CALN1: variants seen among roughly 807,000 people sequenced by gnomAD.
The protein encoded by CALN1 is calcium-binding protein 8.
CALN1 carries 17 observed loss-of-function variants against 30.6 expected under a neutral mutation model. The ratio of observed to expected loss-of-function variants is 0.56; its 90% CI spans 0.38 to 0.83. The LOEUF is 0.83. CALN1 is among the 40% of genes least tolerant of loss of function. The pLI is 0.00. For synonymous variants in CALN1, 156 were observed against 131.4 expected (o/e 1.19, Z -1.28); for missense variants, 291 against 354.9 (o/e 0.82, Z 1.45).
chr7:71,891,813 T>C (rs1302166697), intron 5 of CALN1, among the ~76,000 whole-genome samples: 1 of 151,530 alleles, frequency 6.6e-6, no homozygotes, highest in Non-Finnish European at 1.5e-5. Context: ...GCATGGTGGC[T>C]CACGCCTGTA....
intron 5 of CALN1, among the ~76,000 whole-genome samples, chr7:71,972,667 G>T (rs1397169954): frequency 6.6e-6 from 1 of 152,152 alleles, no homozygotes; most frequent in Non-Finnish European, 1.5e-5. Context: ...GAAATTTAAT[G>T]GATTTTAATG....
intron 5 of CALN1, among the ~76,000 whole-genome samples, chr7:71,900,232 T>C (rs1372337527): frequency 6.6e-6 from 1 of 152,190 alleles, no homozygotes; most frequent in Non-Finnish European, 1.5e-5. Flanking sequence ...TAACTATGGT[T>C]ATTTTTTTAA....
intron 4 of CALN1, among the ~76,000 whole-genome samples, chr7:72,087,814 A>G (rs980307214): frequency 1.3e-5 from 2 of 152,220 alleles, no homozygotes; most frequent in African/African-American, 4.8e-5. Flanking sequence ...GAGCAAAAGC[A>G]AAAAACAAAA....
chr7:72,393,992 G>A (rs1001095024), intron 2 of CALN1, among the ~76,000 whole-genome samples: 7 of 152,160 alleles, frequency 4.6e-5, no homozygotes, highest in Non-Finnish European at 1.0e-4. Context: ...GAATCACATA[G>A]GAAGTAAATG....
intron 2 of CALN1, among the ~76,000 whole-genome samples, chr7:72,341,747 C>G (rs920052561): frequency 5.9e-5 from 9 of 152,156 alleles, no homozygotes; most frequent in Admixed American, 1.3e-4. Context: ...ATCAGAGTGT[C>G]TATTCCATAA....
chr7:72,423,386 G>A (rs1807679532), intron 1 of CALN1, among the ~76,000 whole-genome samples: 1 of 152,070 alleles, frequency 6.6e-6, no homozygotes, highest in Non-Finnish European at 1.5e-5. Context: ...CCTAGCCCCA[G>A]GGCAGGGACC....
intron 3 of CALN1, among the ~76,000 whole-genome samples, chr7:72,137,147 G>C (rs1034641837): frequency 1.4e-4 from 21 of 152,160 alleles, no homozygotes; most frequent in African/African-American, 4.6e-4. Context: ...CTATGTGAAG[G>C]AAAGTTTATT....
rs1455508767 is a variant in CALN1 at position 71,790,369 on chromosome 7, AAAGAAAG to A, written c.659-2474_659-2468del. On this transcript the variant is annotated intron_variant, in intron 6 of 6. Transcript: ENST00000395275. The stretch of plus-strand genomic sequence containing the variant: ...AAGAAAAGAAAGAAAGAAAGAAAGA[AAAGAAAG>A]AAAGAAAGAAAGAAAGAAAGAAAGA... Among the ~76,000 whole-genome samples the A allele has an allele frequency of 0.017, 341 of 20,568 alleles. 7 individuals are homozygous for A. In the East Asian group the frequency reaches 0.18, roughly 11 times the overall value. 13.5% of individuals were successfully genotyped at this position (20,568 alleles called of 152,430 possible).
At chr7:72,486,787 C>T in the CALN1 span, among the ~76,000 whole-genome samples, 2 of 152,042 alleles carry the variant, frequency 1.3e-5, no homozygotes. Flanking sequence ...ATATTTTCTC[C>T]AATTTCTTCC....
At chr7:72,336,852 G>A (rs1282327394) in intron 2 of CALN1, 3 of 984,982 alleles carry the variant, frequency 3.0e-6, no homozygotes, top group East Asian at 1.1e-4. Flanking sequence ...CCCCCAGCAG[G>A]CAGCCGCGTC....
chr7:72,278,472 T>TACACACACACATACACACACACAC (rs1797502419), intron 3 of CALN1, among the ~76,000 whole-genome samples: 1 of 143,982 alleles, frequency 6.9e-6, no homozygotes, highest in African/African-American at 2.6e-5. Context: ...ATCAGGTCTG[T>TACACACACACATACACACACACAC]ACACACACAC....
chr7:72,017,284 G>T (rs921740089), intron 5 of CALN1, among the ~76,000 whole-genome samples: 2 of 151,896 alleles, frequency 1.3e-5, no homozygotes, highest in East Asian at 3.9e-4. Context: ...AGCCTTTCCG[G>T]AAAGGTTTCT....
intron 2 of CALN1, chr7:72,336,760 G>T (rs1016968661): frequency 1.0e-5 from 10 of 985,146 alleles, no homozygotes; most frequent in Non-Finnish European, 1.2e-5. Context: ...GCACAGCGCG[G>T]GGGGCTTCCT....
intron 5 of CALN1, among the ~76,000 whole-genome samples, chr7:71,995,778 C>G (rs1268727628): frequency 1.3e-5 from 2 of 151,964 alleles, no homozygotes; most frequent in Non-Finnish European, 2.9e-5. Flanking sequence ...CCAAAACAAA[C>G]AGCCTGATCC....
chr7:72,262,871 G>A (rs1262192931), intron 3 of CALN1, among the ~76,000 whole-genome samples: 1 of 152,226 alleles, frequency 6.6e-6, no homozygotes, highest in Non-Finnish European at 1.5e-5. Context: ...GCGATACAAA[G>A]TGCTGAGGTT....
chr7:72,103,688 C>G (rs188087931), intron 4 of CALN1, among the ~76,000 whole-genome samples: 1 of 152,020 alleles, frequency 6.6e-6, no homozygotes, highest in African/African-American at 2.4e-5. Context: ...GTGGACTAGA[C>G]AGGGGACTGC....
intron 5 of CALN1, among the ~76,000 whole-genome samples, chr7:72,012,748 T>A (rs1800155188): frequency 6.6e-6 from 1 of 152,146 alleles, no homozygotes; most frequent in African/African-American, 2.4e-5. Context: ...TGAGTTCTTT[T>A]CCTCCTGGCA....
chr7:72,216,483 T>C (rs1206541894), intron 3 of CALN1, among the ~76,000 whole-genome samples: 3 of 152,078 alleles, frequency 2.0e-5, no homozygotes, highest in Non-Finnish European at 4.4e-5. Context: ...AGGTGGCATC[T>C]TTGGAGAAGC....
chr7:72,297,080 C>T (rs549311879), intron 2 of CALN1, among the ~76,000 whole-genome samples: 2 of 152,206 alleles, frequency 1.3e-5, no homozygotes, highest in East Asian at 3.9e-4. Context: ...ATAAATTTCC[C>T]TCTACACACT....
Sources: allele counts gnomAD v4.1 joint callset (sites outside exome capture counted in the v4.1 genomes callset), GRCh38; gene constraint gnomAD v4.1.1; transcripts MANE v1.5; gene names NCBI Gene and HGNC (gene_info 2026-07-23, HGNC 2026-07-21).